Variants in COL4A5 observed in about 807,000 individuals in gnomAD.
The protein encoded by COL4A5 is collagen type IV alpha 5 chain.
Under a neutral mutation model 130.2 loss-of-function variants are expected in COL4A5, and 26 were observed. That is an observed-to-expected ratio of 0.20 (90% CI 0.15 to 0.28). The LOEUF is 0.28. Among genes scored for constraint, COL4A5 ranks in the 10% least tolerant of loss-of-function variants. COL4A5 has a pLI of 1.00. For synonymous variants in COL4A5, 496 were observed against 439.6 expected (o/e 1.13, Z -1.60); for missense variants, 1,131 against 1,344.3 (o/e 0.84, Z 2.48).
chrX:108,525,186 C>T (rs185358918), intron 1 of COL4A5, among the ~76,000 whole-genome samples: 3 of 111,815 alleles, frequency 2.7e-5, no homozygotes, highest in African/African-American at 9.7e-5. Context: ...TTAGATGTAT[C>T]TGTGTTTATA....
intron 8 of COL4A5, among the ~76,000 whole-genome samples, chrX:108,572,731 T>C (rs761527466): frequency 9.8e-5 from 11 of 111,910 alleles, no homozygotes; most frequent in Non-Finnish European, 2.1e-4. Flanking sequence ...TGTTTTATTC[T>C]TTACAAAGCA....
intron 8 of COL4A5, 63 bp downstream of exon 8, chrX:108,571,900 A>G: frequency 2.3e-6 from 2 of 859,410 alleles, no homozygotes; most frequent in Non-Finnish European, 3.5e-6. Context: ...TGGCAACTTC[A>G]ATAGGATAAT....
intron 36 of COL4A5, among the ~76,000 whole-genome samples, chrX:108,642,469 C>A (rs1487987643): frequency 1.8e-5 from 2 of 111,165 alleles, no homozygotes; most frequent in African/African-American, 6.6e-5. Context: ...AAGATAAGAA[C>A]CCTCACAGAG....
chrX:108,693,522 T>C (rs1200998753), intron 50 of COL4A5: 1 of 115,342 alleles, frequency 8.7e-6, no homozygotes, highest in Admixed American at 8.7e-5. Flanking sequence ...TTATTTGATA[T>C]GTAACAAGGA....
chrX:108,656,055 C>T (rs2067835037), intron 37 of COL4A5, among the ~76,000 whole-genome samples: 1 of 112,017 alleles, frequency 8.9e-6, no homozygotes, highest in Non-Finnish European at 1.9e-5. Context: ...TAGTAAAGTA[C>T]ACTTAAGACT....
intron 2 of COL4A5, among the ~76,000 whole-genome samples, chrX:108,547,911 G>A (rs956965526): frequency 8.9e-6 from 1 of 112,047 alleles, no homozygotes; most frequent in Non-Finnish European, 1.9e-5. Context: ...TCCGAGCCAG[G>A]CACGGGATAT....
intron 37 of COL4A5, among the ~76,000 whole-genome samples, chrX:108,655,676 T>A (rs1051981611): frequency 2.7e-5 from 3 of 112,921 alleles, no homozygotes; most frequent in Non-Finnish European, 5.6e-5. Context: ...CAATATCCTG[T>A]GGACAGAGAG....
chrX:108,527,927 A>G lies in COL4A5; in HGVS notation c.82-11819A>G, dbSNP rs550947285. ...CTATCAACGTCAGTGCACACTGCTC[A>G]AGACCCAGACAATTGTCCGTCCACT... is the stretch of plus-strand genomic sequence containing the variant. On this transcript the variant is annotated intron_variant, in intron 1 of 52. Coordinates refer to ENST00000328300, the MANE Select transcript of COL4A5 (RefSeq NM_033380.3). Among the ~76,000 whole-genome samples the G allele has an allele frequency of 3.3e-4, 37 of 111,631 alleles. No homozygotes were observed. The South Asian group carries it at 0.014, about 42-fold the overall frequency.
At chrX:108,564,288 C>T (rs2065939433) in intron 4 of COL4A5, among the ~76,000 whole-genome samples, 1 of 111,477 alleles carries the variant, frequency 9.0e-6, no homozygotes, top group African/African-American at 3.3e-5. Flanking sequence ...AGCCTAGGTC[C>T]AGAAGGCTGG....
At chrX:108,545,584 T>G (rs1232761202) in intron 2 of COL4A5, among the ~76,000 whole-genome samples, 7 of 111,295 alleles carry the variant, frequency 6.3e-5, no homozygotes, top group Non-Finnish European at 1.1e-4. Flanking sequence ...TGTATATTCT[T>G]TTGATTTGGG....
chrX:108,456,925 G>T lies in COL4A5; in HGVS notation c.81+16719G>T, dbSNP rs757066186. Among the ~76,000 whole-genome samples, 6 of 111,657 alleles carry T rather than the reference G, an allele frequency of 5.4e-5. No individual in the cohort carries two copies. The South Asian group carries it at 2.3e-3, about 42-fold the overall frequency. ...GAAGCTAAACCGGAGAAAGTGCTGA[G>T]GACTGTCCTCACTTCCCAGTTACAT... On this transcript the variant is annotated intron_variant, in intron 1 of 52. Coordinates refer to ENST00000328300, the MANE Select transcript of COL4A5 (RefSeq NM_033380.3).
At position 108,632,164 on chromosome X, in the gene COL4A5, G is replaced by C. The variant is rs753696089; in HGVS notation, c.3246+5815G>C. On this transcript the variant is annotated intron_variant, in intron 36 of 52. Transcript: ENST00000328300. ...AAGGAATATCATCACCGATCCCACA[G>C]AAATACAAACTACCATCAGAGAATA... 8.6e-4 allele frequency among the ~76,000 whole-genome samples: 96 copies of C among 111,310 alleles called. 1 individual carries two copies. The highest frequency in any genetic ancestry group is 3.1e-3 in the African/African-American group (94 of 30,654).
chrX:108,459,437 GTTGT>G (rs2064621190), intron 1 of COL4A5, among the ~76,000 whole-genome samples: 1 of 111,895 alleles, frequency 8.9e-6, no homozygotes, highest in Non-Finnish European at 1.9e-5. Flanking sequence ...CAGTTTCCTA[GTTGT>G]TTGTAGCAAG....
chrX:108,474,305 A>G (rs1021680055), intron 1 of COL4A5, among the ~76,000 whole-genome samples: 3 of 111,905 alleles, frequency 2.7e-5, no homozygotes, highest in Non-Finnish European at 3.8e-5. Context: ...TATATTTCAT[A>G]TCATATTTTA....
intron 2 of COL4A5, among the ~76,000 whole-genome samples, chrX:108,553,480 A>C (rs1442766700): frequency 8.9e-6 from 1 of 111,979 alleles, no homozygotes; most frequent in African/African-American, 3.2e-5. Context: ...TAGATGGCAA[A>C]TAGATACACG....
chrX:108,596,144 G>C (rs1294224603), intron 22 of COL4A5, among the ~76,000 whole-genome samples: 1 of 111,907 alleles, frequency 8.9e-6, no homozygotes, highest in Non-Finnish European at 1.9e-5. Flanking sequence ...AGGTATCCCA[G>C]TATTCTCTTG....
chrX:108,624,182 T>A, intron 33 of COL4A5, 54 bp from the exon 34 acceptor site: 1 of 1,028,578 alleles, frequency 9.7e-7, no homozygotes, highest in Non-Finnish European at 1.4e-6. Context: ...GCCAAAGTTA[T>A]TTCATGGATG....
chrX:108,641,987 C>T (rs760069386), intron 36 of COL4A5, among the ~76,000 whole-genome samples: 6 of 111,772 alleles, frequency 5.4e-5, no homozygotes, highest in African/African-American at 1.3e-4. Context: ...AGGTAGCCTG[C>T]GGCAAGTTCT....
intron 36 of COL4A5, chrX:108,627,505 ATCTT>A (rs2067175137): frequency 1.4e-6 from 1 of 736,292 alleles, no homozygotes; most frequent in Non-Finnish European, 1.6e-6. Context: ...TTTTCAATAT[ATCTT>A]AGACAATTTT....
Sources: allele counts gnomAD v4.1 joint callset (sites outside exome capture counted in the v4.1 genomes callset), GRCh38; gene constraint gnomAD v4.1.1; transcripts MANE v1.5; gene names NCBI Gene and HGNC (gene_info 2026-07-23, HGNC 2026-07-21).